The following ZMYND8 variants were observed in gnomAD, a reference collection of about 807,000 sequenced individuals.
ZMYND8 encodes the protein zinc finger MYND-type containing 8.
Under a neutral mutation model 140.8 loss-of-function variants are expected in ZMYND8, and 37 were observed. The ratio of observed to expected loss-of-function variants is 0.26; its 90% CI spans 0.20 to 0.35. The LOEUF (loss-of-function observed/expected upper bound fraction) is 0.35. ZMYND8 is among the 10% of genes least tolerant of loss of function. The pLI, the probability that ZMYND8 is intolerant of heterozygous loss-of-function variation, is 1.00. For synonymous variants in ZMYND8, 592 were observed against 597.1 expected, an observed-to-expected ratio of 0.99 and a Z score of 0.12; for missense variants, 1,068 against 1,570.0, an observed-to-expected ratio of 0.68 and a Z score of 5.40.
intron 16 of ZMYND8, among the ~76,000 whole-genome samples, chr20:47,230,514 G>A (rs1210515360): frequency 2.0e-5 from 3 of 151,888 alleles, no homozygotes; most frequent in Admixed American, 6.6e-5. Flanking sequence ...GGCTGGTCTT[G>A]AACTCCCGAC....
chr20:47,247,139 G>T (rs1160588864), intron 13 of ZMYND8, among the ~76,000 whole-genome samples: 1 of 152,196 alleles, frequency 6.6e-6, no homozygotes, highest in Non-Finnish European at 1.5e-5. Flanking sequence ...TGGCCCACAG[G>T]GTATCTTGTC....
At chr20:47,279,989 T>C (rs545432037) in intron 10 of ZMYND8, among the ~76,000 whole-genome samples, 1 of 152,072 alleles carries the variant, frequency 6.6e-6, no homozygotes, top group East Asian at 1.9e-4. Context: ...TTGGGCGTAG[T>C]GGCACATGCC....
intron 19 of ZMYND8, among the ~76,000 whole-genome samples, chr20:47,222,879 C>A (rs1426307558): frequency 1.3e-5 from 2 of 152,240 alleles, no homozygotes; most frequent in Non-Finnish European, 2.9e-5. Flanking sequence ...CCACATCCAT[C>A]CATTTATATA....
intron 20 of ZMYND8, among the ~76,000 whole-genome samples, chr20:47,221,057 A>G (rs1197728396): frequency 6.6e-6 from 1 of 152,138 alleles, no homozygotes; most frequent in Non-Finnish European, 1.5e-5. Context: ...GAACATTTCC[A>G]TCATCGCAGA....
intron 8 of ZMYND8, among the ~76,000 whole-genome samples, chr20:47,286,190 TTCTCGGAGACAGAGTCTCAC>T (rs1004700335): frequency 5.9e-5 from 9 of 151,708 alleles, no homozygotes; most frequent in African/African-American, 2.2e-4. Context: ...TTTTTTTTTT[TTCTCGGAGACAGAGTCTCAC>T]TCTATCACCC....
At chr20:47,226,368 T>C (rs1290514803) in intron 18 of ZMYND8, among the ~76,000 whole-genome samples, 2 of 152,160 alleles carry the variant, frequency 1.3e-5, no homozygotes, top group Non-Finnish European at 2.9e-5. Flanking sequence ...GATCTGATAC[T>C]ACGTGAGGGG....
At chr20:47,290,674 C>T (rs1026778877) in intron 6 of ZMYND8, among the ~76,000 whole-genome samples, 8 of 145,752 alleles carry the variant, frequency 5.5e-5, no homozygotes, top group Non-Finnish European at 8.9e-5. Context: ...TCACTGCAAC[C>T]TCCACCTCCC....
chr20:47,215,041 CAAG>C (rs1345545064), intron 21 of ZMYND8, among the ~76,000 whole-genome samples: 4 of 152,126 alleles, frequency 2.6e-5, no homozygotes, highest in Non-Finnish European at 4.4e-5. Context: ...GGCAACAAGG[CAAG>C]ATCCTGTCTC....
intron 12 of ZMYND8, among the ~76,000 whole-genome samples, chr20:47,255,894 T>G (rs1394049341): frequency 2.0e-5 from 3 of 146,966 alleles, no homozygotes; most frequent in Non-Finnish European, 4.5e-5. Flanking sequence ...GCCAACATGG[T>G]GAAACCCTAT....
intron 3 of ZMYND8, among the ~76,000 whole-genome samples, chr20:47,308,324 T>C (rs749380521): frequency 1.3e-4 from 20 of 149,472 alleles, no homozygotes; most frequent in Non-Finnish European, 2.2e-4. Context: ...GTTCAAGCAA[T>C]TCTCGTGCCT....
chr20:47,351,822 A>G (rs2082807225), intron 1 of ZMYND8: 2 of 985,326 alleles, frequency 2.0e-6, no homozygotes, highest in Non-Finnish European at 1.2e-6. Flanking sequence ...CAGTTTGTTC[A>G]ATAGCTGTAG....
intron 2 of ZMYND8, among the ~76,000 whole-genome samples, chr20:47,343,834 G>C (rs1448096032): frequency 1.3e-5 from 2 of 152,088 alleles, no homozygotes; most frequent in Non-Finnish European, 2.9e-5. Context: ...TTTCGAGGAG[G>C]TGGAGCATAG....
At chr20:47,276,098 G>A (rs1323637795) in intron 11 of ZMYND8, among the ~76,000 whole-genome samples, 1 of 152,152 alleles carries the variant, frequency 6.6e-6, no homozygotes, top group African/African-American at 2.4e-5. Flanking sequence ...CTACTTCTAG[G>A]TATAACCTCC....
rs147796965 is a variant in ZMYND8, at chr20:47,309,369, G to A, written c.234+687C>T. Among the ~76,000 whole-genome samples, 1,108 of 151,768 alleles carry A rather than the reference G, an allele frequency of 7.3e-3. 6 individuals are homozygous for A. The highest frequency in any genetic ancestry group is 0.017 in the Middle Eastern group (5 of 294). On this transcript the variant is annotated intron_variant, in intron 3 of 22. Transcript: ENST00000471951. ...TCACCAGGCTGGAGTGCAGTGGCGC[G>A]ATCTCGGCTCACTGCAACCTCCGCC...
At chr20:47,220,215 C>A (rs1600913345) in intron 21 of ZMYND8, 43 bp downstream of exon 21, 1 of 1,514,836 alleles carries the variant, frequency 6.6e-7, no homozygotes, top group Non-Finnish European at 9.0e-7. Context: ...ATCTGCCCAT[C>A]TGAAATGTGA....
At chr20:47,211,827 A>G (rs979547144) in intron 22 of ZMYND8, among the ~76,000 whole-genome samples, 1 of 152,126 alleles carries the variant, frequency 6.6e-6, no homozygotes, top group Non-Finnish European at 1.5e-5. Context: ...GGACCATGCT[A>G]CTACCTAGGG....
chr20:47,302,592 T>C (rs1257685112), intron 3 of ZMYND8, among the ~76,000 whole-genome samples: 1 of 152,128 alleles, frequency 6.6e-6, no homozygotes, highest in South Asian at 2.1e-4. Context: ...ACTCAACCCA[T>C]ACTAGTCTTA....
intron 19 of ZMYND8, 125 bp from the exon 20 acceptor site, chr20:47,221,599 G>A (rs953412292): frequency 1.7e-6 from 2 of 1,205,370 alleles, no homozygotes; most frequent in Non-Finnish European, 2.2e-6. Flanking sequence ...GCATAAAAGT[G>A]GAGGCTCAAG....
chr20:47,333,315 G>A (rs1569219897), intron 2 of ZMYND8, among the ~76,000 whole-genome samples: 1 of 150,920 alleles, frequency 6.6e-6, no homozygotes, highest in Non-Finnish European at 1.5e-5. Flanking sequence ...TCCAGCCTGG[G>A]CAACATCGTG....
Sources: allele counts gnomAD v4.1 joint callset (sites outside exome capture counted in the v4.1 genomes callset), GRCh38; gene constraint gnomAD v4.1.1; transcripts MANE v1.5; gene names NCBI Gene and HGNC (gene_info 2026-07-23, HGNC 2026-07-21).